ZNF592: variants seen among roughly 807,000 people sequenced by gnomAD.
ZNF592 encodes the protein spinocerebellar ataxia, autosomal recessive 5.
In ZNF592, 11 loss-of-function variants were observed where a neutral mutation model predicts 80.3. The ratio of observed to expected loss-of-function variants is 0.14; its 90% confidence interval spans 0.09 to 0.23. The LOEUF (loss-of-function observed/expected upper bound fraction) is 0.23, where lower values mean the gene tolerates loss of function less well. ZNF592 is among the 10% of genes least tolerant of loss of function. The pLI, the probability that ZNF592 is intolerant of heterozygous loss-of-function variation, is 1.00. For missense variants in ZNF592, 1,420 were observed against 1,633.9 expected (o/e 0.87, Z 2.26); for synonymous variants, 646 against 640.3 (o/e 1.01, Z -0.13).
rs1188562535 is a variant in ZNF592, at chr15:84,802,419, CAG to C, written c.*27_*28del. 2 of 1,612,390 alleles carry C rather than the reference CAG, an allele frequency of 1.2e-6. No individual in the cohort carries two copies. Among genetic ancestry groups the C allele is most frequent in the Admixed American group, 1.7e-5 (1 of 59,920 alleles). On this transcript the variant is annotated 3_prime_UTR_variant, in exon 11 of 11. Coordinates refer to ENST00000560079, the MANE Select transcript of ZNF592 (RefSeq NM_014630.3). ...CCGGAGACTTTGCAGTGTGCATGGT[CAG>C]GGGTGGTGCCGAAGTGTCTTCCACC...
chr15:84,766,000 G>A (rs1377983334), intron 2 of ZNF592, among the ~76,000 whole-genome samples: 1 of 138,904 alleles, frequency 7.2e-6, no homozygotes, highest in African/African-American at 2.5e-5. Flanking sequence ...TCAATTCATG[G>A]TCCTTTTTTT....
intron 1 of ZNF592, among the ~76,000 whole-genome samples, chr15:84,755,463 T>C (rs565022828): frequency 3.3e-4 from 50 of 152,036 alleles, no homozygotes; most frequent in Middle Eastern, 3.4e-3. Context: ...AGAGGTGGCG[T>C]TAAGGGTCTT....
chr15:84,790,528 G>A (rs1312318307), intron 4 of ZNF592, among the ~76,000 whole-genome samples, 177 bp from the exon 5 acceptor site: 4 of 152,320 alleles, frequency 2.6e-5, no homozygotes, highest in African/African-American at 9.6e-5. Flanking sequence ...TTGGGTATCA[G>A]TATCAGCACT....
rs1555432540 is a variant in ZNF592 at position 84,801,914 on chromosome 15, A to G, written c.3325A>G (p.Ser1109Gly). 5 of 1,613,952 alleles carry G rather than the reference A, an allele frequency of 3.1e-6. No homozygotes were observed. The highest frequency in any genetic ancestry group is 4.2e-6 in the Non-Finnish European group (5 of 1,179,856). ...TGGAGTGGGGGACGCTCCAGGCACCAGCAATGGCGCAACTGTCTCTTCCAC... is the reference window on the plus strand; with the variant it reads ...TGGAGTGGGGGACGCTCCAGGCACCGGCAATGGCGCAACTGTCTCTTCCAC... Reference protein sequence around the residue: ...VSGVGDAPGTSNGATVSSTKR... With the variant: ...VSGVGDAPGTGNGATVSSTKR... Residue 1109 changes from serine (S) to glycine (G), a missense_variant, in exon 11 of 11, where the codon AGC becomes GGC. Around this residue, in one of 7 missense-constraint regions of ZNF592, gnomAD observed 145 missense variants for 211.9 expected, o/e 0.68. Transcript: ENST00000560079.
intron 4 of ZNF592, among the ~76,000 whole-genome samples, chr15:84,786,584 C>G (rs1962590790): frequency 6.6e-6 from 1 of 152,108 alleles, no homozygotes. Flanking sequence ...CCAAAGGGGC[C>G]AGAAGGTGCT....
intron 1 of ZNF592, among the ~76,000 whole-genome samples, chr15:84,754,994 G>A (rs762951217): frequency 6.1e-5 from 8 of 131,676 alleles, no homozygotes; most frequent in Non-Finnish European, 9.6e-5. Flanking sequence ...ATGGCAGAGT[G>A]TCACTCTGTT....
At chr15:84,778,880 CTGA>C (rs1962342615) in intron 3 of ZNF592, among the ~76,000 whole-genome samples, 1 of 152,146 alleles carries the variant, frequency 6.6e-6, no homozygotes, top group Non-Finnish European at 1.5e-5. Context: ...TGATTGCAGT[CTGA>C]TGATTGAATT....
chr15:84,757,387 T>C (rs1480240878), intron 1 of ZNF592, among the ~76,000 whole-genome samples: 1 of 149,914 alleles, frequency 6.7e-6, no homozygotes, highest in Non-Finnish European at 1.5e-5. Context: ...TTACCCAGGC[T>C]GGAGTTGGAG....
At chr15:84,796,267 T>TATATATATATATATA in intron 5 of ZNF592, among the ~76,000 whole-genome samples, 1 of 44,250 alleles carries the variant, frequency 2.3e-5, no homozygotes, top group East Asian at 9.1e-4. Context: ...TATATATATT[T>TATATATATATATATA]TATATATATA....
chr15:84,798,514 A>T lies in ZNF592; in HGVS notation c.2736+40A>T, dbSNP rs768108362. The T allele has an allele frequency of 6.2e-7, 1 of 1,613,924 alleles. No homozygotes were observed. The highest frequency in any genetic ancestry group is 1.1e-5 in the South Asian group (1 of 91,060). On this transcript the variant is annotated intron_variant, in intron 7 of 10. Transcript: ENST00000560079. This position sits in a 1 kb window ranked among gnomAD's most constrained non-coding sequence, Gnocchi z 4.5. Reference sequence around the variant, plus strand: ...GGGAGGAGGCCGGGGAGGAGGGCACATGCCTCAGGCTGGGGGTCTGACTCT... The same window carrying T: ...GGGAGGAGGCCGGGGAGGAGGGCACTTGCCTCAGGCTGGGGGTCTGACTCT...
chr15:84,797,845 T>A, intron 5 of ZNF592, 24 bp from the exon 6 acceptor site: 1 of 1,614,124 alleles, frequency 6.2e-7, no homozygotes, highest in Non-Finnish European at 8.5e-7. Flanking sequence ...CCACCCACAC[T>A]CACACTACCC....
rs955707392 is a variant in ZNF592, at chr15:84,764,780, C to G, written c.-185C>G. ...CTCCGCAGCTCTGCTCCCCTAGCAA[C>G]GCTCGCCACACCCTTGTTTTGAGAT... On this transcript the variant is annotated 5_prime_UTR_variant, in exon 2 of 11. Coordinates refer to ENST00000560079, the MANE Select transcript of ZNF592 (RefSeq NM_014630.3). The G allele has an allele frequency of 1.3e-5, 5 of 398,838 alleles. No homozygotes were observed. The highest frequency in any genetic ancestry group is 2.2e-5 in the Non-Finnish European group (5 of 226,066). 24.7% of individuals were successfully genotyped at this position (398,838 alleles called of 1,614,324 possible).
At chr15:84,761,560 G>A (rs551911124) in intron 1 of ZNF592, among the ~76,000 whole-genome samples, 4 of 152,296 alleles carry the variant, frequency 2.6e-5, no homozygotes, top group Non-Finnish European at 4.4e-5. Flanking sequence ...AGCAGGTGGG[G>A]TGTAAGTAGG....
At position 84,802,624 on chromosome 15, in the gene ZNF592, G is replaced by A. The variant is rs1306372895; in HGVS notation, c.*231G>A. 7.0e-5 allele frequency: 41 copies of A among 585,816 alleles called. No individual in the cohort carries two copies. Among genetic ancestry groups the A allele is most frequent in the Non-Finnish European group, 9.4e-5 (31 of 329,150 alleles). The allele number at this position is 585,816 out of a possible 1,614,324, so 36.3% of individuals were successfully genotyped here. ...TTGCTTCTGTTATTTATGGCTTTTC[G>A]CTGCTTCTTGGTGCCCCATCTCTTG... On this transcript the variant is annotated 3_prime_UTR_variant, in exon 11 of 11. Transcript: ENST00000560079.
At chr15:84,777,425 G>A (rs1159012105) in intron 2 of ZNF592, among the ~76,000 whole-genome samples, 2 of 147,798 alleles carry the variant, frequency 1.4e-5, no homozygotes, top group Non-Finnish European at 3.0e-5. Context: ...GCAGTGAGCC[G>A]AGATCACGCC....
intron 1 of ZNF592, among the ~76,000 whole-genome samples, chr15:84,761,785 A>G (rs1014493271): frequency 2.0e-5 from 3 of 152,192 alleles, no homozygotes; most frequent in Admixed American, 1.3e-4. Context: ...GAATCTGCAC[A>G]TATGCTAAGA....
intron 2 of ZNF592, among the ~76,000 whole-genome samples, chr15:84,773,332 C>T (rs1962143965): frequency 1.3e-5 from 2 of 152,056 alleles, no homozygotes; most frequent in South Asian, 4.2e-4. Flanking sequence ...CTGCCTCAGC[C>T]TCCCGAGTAG....
chr15:84,798,068 C>G lies in ZNF592; in HGVS notation c.2576+23C>G, dbSNP rs751903318. 5.6e-6 allele frequency: 9 copies of G among 1,612,616 alleles called. No individual in the cohort carries two copies. In the South Asian group the frequency reaches 8.8e-5, roughly 16 times the overall value. On this transcript the variant is annotated intron_variant, in intron 6 of 10. Transcript: ENST00000560079. The surrounding 1 kb of genome is among the most constrained non-coding windows in gnomAD (Gnocchi z 4.5). ...CCAGTGAGTGCAGCTCCAGGGCCAGCAGGCCCTGTGGAGCAGAGAGGAGTA... is the reference window on the plus strand; with the variant it reads ...CCAGTGAGTGCAGCTCCAGGGCCAGGAGGCCCTGTGGAGCAGAGAGGAGTA...
In ZNF592 at chr15:84,749,577, C is replaced by T. The variant is rs149762347; in HGVS notation, c.-259+913C>T. Among the ~76,000 whole-genome samples the T allele has an allele frequency of 4.1e-3, 627 of 152,332 alleles. 6 individuals are homozygous for T. The highest frequency in any genetic ancestry group is 0.014 in the African/African-American group (592 of 41,576). ...CATCCAGGACTAGTCTAGAATAGGA[C>T]TGGCAGTAGAAGAATGGGACTTGGG... is the stretch of plus-strand genomic sequence containing the variant. On this transcript the variant is annotated intron_variant, in intron 1 of 10. Transcript: ENST00000560079.
Sources: gnomAD v4.1 joint callset for allele counts (sites outside exome capture counted in the v4.1 genomes callset) on GRCh38, gnomAD v4.1.1 for gene constraint, gnomAD v4.1.1 regional missense constraint, Gnocchi (gnomAD v3.1) non-coding constraint, MANE v1.5 for transcripts, NCBI Gene and HGNC (gene_info 2026-07-23, HGNC 2026-07-21) for gene names.